ABCA13: variants seen among roughly 807,000 people sequenced by gnomAD.
The protein encoded by ABCA13 is ATP binding cassette subfamily A member 13.
A neutral mutation model predicts 478.7 loss-of-function variants in ABCA13; 476 were observed. The observed-to-expected ratio is 0.99, with a 90% CI of 0.92 to 1.07. ABCA13 has a LOEUF of 1.07. Ranked by LOEUF, ABCA13 falls within the 50% of genes least tolerant of loss-of-function variation. The pLI, the probability that ABCA13 is intolerant of heterozygous loss-of-function variation, is 0.00. For synonymous variants in ABCA13, 2,252 were observed against 2,158.9 expected (o/e 1.04, Z -1.20); for missense variants, 6,060 against 5,910.6 (o/e 1.03, Z -0.83).
chr7:48,219,697 A>AC (rs1787059624), intron 4 of ABCA13, among the ~76,000 whole-genome samples, 192 bp downstream of exon 4: 2 of 151,412 alleles, frequency 1.3e-5, no homozygotes, highest in African/African-American at 4.9e-5. Context: ...TCTCTCCTCA[A>AC]CCCCCTCGGA....
intron 38 of ABCA13, among the ~76,000 whole-genome samples, chr7:48,400,761 C>A (rs1415279825): frequency 6.6e-6 from 1 of 152,178 alleles, no homozygotes; most frequent in African/African-American, 2.4e-5. Context: ...TTTTGCTGAC[C>A]CTGGCCAATG....
intron 17 of ABCA13, 38 bp downstream of exon 17, chr7:48,276,603 C>T (rs771662688): frequency 7.9e-6 from 12 of 1,520,228 alleles, no homozygotes; most frequent in Middle Eastern, 1.8e-4. Context: ...TATGCAGTTG[C>T]GATATATCTC....
At chr7:48,422,228 A>G (rs1820869461) in intron 41 of ABCA13, among the ~76,000 whole-genome samples, 2 of 126,356 alleles carry the variant, frequency 1.6e-5, no homozygotes, top group African/African-American at 3.4e-5. Flanking sequence ...CTAAAGAACA[A>G]TACATTCAGT....
In ABCA13 at chr7:48,245,865, G is replaced by A. The variant is rs562438776; in HGVS notation, c.1494G>A (p.Met498Ile). 6.2e-7 allele frequency: 1 copy of A among 1,610,902 alleles called. No individual in the cohort carries two copies. The highest frequency in any genetic ancestry group is 1.3e-5 in the African/African-American group (1 of 74,880). Residue 498 changes from methionine (M) to isoleucine (I), a missense_variant and splice_region_variant, in exon 13 of 62, where the codon ATG (methionine) becomes ATA (isoleucine). By Grantham distance (10) the Met-to-Ile change is conservative. Around this residue, in one of 3 missense-constraint regions of ABCA13, gnomAD observed 4,423 missense variants for 4,309.1 expected, o/e 1.03. Coordinates refer to ENST00000435803, the MANE Select transcript of ABCA13 (RefSeq NM_152701.5). ...KDVFFWELKQ[M>I]LAKNAVCPNG... ...TCCCACTCTTATTAATCTTTTAGAT[G>A]TTGGCGAAGAATGCTGTCTGCCCGA... is the stretch of plus-strand genomic sequence containing the variant.
intron 1 of ABCA13, among the ~76,000 whole-genome samples, chr7:48,192,017 C>G (rs1797170322): frequency 6.6e-6 from 1 of 152,148 alleles, no homozygotes; most frequent in Non-Finnish European, 1.5e-5. Flanking sequence ...TATTCAATGG[C>G]TTGCCTACTT....
chr7:48,610,449 C>T (rs543262576), intron 58 of ABCA13, among the ~76,000 whole-genome samples: 5 of 152,216 alleles, frequency 3.3e-5, no homozygotes, highest in Non-Finnish European at 7.3e-5. Flanking sequence ...TGTGGCTTTT[C>T]CAGGAGCGCA....
chr7:48,342,768 A>G (rs886721918), intron 29 of ABCA13, among the ~76,000 whole-genome samples: 1 of 151,756 alleles, frequency 6.6e-6, no homozygotes, highest in African/African-American at 2.4e-5. Context: ...AATCCAACCT[A>G]TTTTCTCTTT....
rs773943822 is a variant in ABCA13, at chr7:48,483,065, ATTG to A, written c.13095-8_13095-6del. On this transcript the variant is annotated splice_polypyrimidine_tract_variant and splice_region_variant and intron_variant, in intron 46 of 61. Coordinates refer to ENST00000435803, the MANE Select transcript of ABCA13 (RefSeq NM_152701.5). Reference sequence around the variant, plus strand: ...TGGTTGAAGCACTAACACAATGTTCATTGTTAACAGGCTTGGAGGTTGGTCTTT... The same window carrying A: ...TGGTTGAAGCACTAACACAATGTTCATTAACAGGCTTGGAGGTTGGTCTTT... The A allele has an allele frequency of 6.2e-7, 1 of 1,605,656 alleles. No homozygotes were observed. Among genetic ancestry groups the A allele is most frequent in the Non-Finnish European group, 8.5e-7 (1 of 1,176,318 alleles).
At chr7:48,542,238 G>A (rs1833990916) in intron 55 of ABCA13, among the ~76,000 whole-genome samples, 1 of 151,642 alleles carries the variant, frequency 6.6e-6, no homozygotes, top group Admixed American at 6.6e-5. Flanking sequence ...TAATATATTT[G>A]GAGAATGAGT....
At position 48,516,730 on chromosome 7, in the gene ABCA13, C is replaced by T. The variant is rs769199655; in HGVS notation, c.13646C>T (p.Ala4549Val). Reference sequence around the variant, plus strand: ...CTTTTCACTTTACTTTTCAGATATGCAACTCTTCCATGGATGTACCTGATG... The same window carrying T: ...CTTTTCACTTTACTTTTCAGATATGTAACTCTTCCATGGATGTACCTGATG... ...TALLLSLFGY[A>V]TLPWMYLMSR... The change falls in exon 52 of 62, where the codon GCA becomes GTA. Residue 4549 changes from alanine to valine, a missense_variant. By Grantham distance (64) the Ala-to-Val change is moderately conservative. This residue lies in a region of ABCA13 where 1,627 missense variants were observed against 1,571.0 expected (regional missense o/e 1.04). Transcript: ENST00000435803. 2 of 1,613,180 alleles carry T rather than the reference C, an allele frequency of 1.2e-6. No individual in the cohort carries two copies. The highest frequency in any genetic ancestry group is 1.7e-6 in the Non-Finnish European group (2 of 1,179,490).
rs1795370732 is a variant in ABCA13 at position 48,645,305 on chromosome 7, G to A, written c.15082-112G>A. The A allele has an allele frequency of 9.8e-6, 7 of 717,796 alleles. No individual in the cohort carries two copies. The Admixed American group carries it at 1.6e-4, about 16-fold the overall frequency. 44.5% of individuals were successfully genotyped at this position (717,796 alleles called of 1,614,324 possible). On this transcript the variant is annotated intron_variant, in intron 61 of 61. Coordinates refer to ENST00000435803, the MANE Select transcript of ABCA13 (RefSeq NM_152701.5). ...AGGGAATGGTATGAATTAATGATCT[G>A]TGGTTTTTAGGGCAAGTTGGCCAGT... is the stretch of plus-strand genomic sequence containing the variant.
rs569016119 is a variant in ABCA13, at chr7:48,287,029, G to A, written c.8837-931G>A. ...GCCCGTGGCAGGTCTTGTGCAGATGGATTTATCGTGCGGTGGGAGGTGAGC... is the reference window on the plus strand; with the variant it reads ...GCCCGTGGCAGGTCTTGTGCAGATGAATTTATCGTGCGGTGGGAGGTGAGC... On this transcript the variant is annotated intron_variant, in intron 19 of 61. Transcript: ENST00000435803. Among the ~76,000 whole-genome samples the A allele has an allele frequency of 2.6e-5, 4 of 152,322 alleles. No individual in the cohort carries two copies. The South Asian group carries it at 8.3e-4, about 32-fold the overall frequency.
chr7:48,612,075 C>T (rs574098232), intron 58 of ABCA13: 15 of 152,300 alleles, frequency 9.8e-5, no homozygotes, highest in Admixed American at 8.5e-4. Context: ...GGCTGTGCAT[C>T]ATCAGGCCAA....
At chr7:48,573,827 G>A (rs1360470780) in intron 55 of ABCA13, among the ~76,000 whole-genome samples, 3 of 152,076 alleles carry the variant, frequency 2.0e-5, no homozygotes, top group South Asian at 4.1e-4. Context: ...CTTGAACTCC[G>A]AGATCAAGCT....
At chr7:48,175,272 T>C (rs1429294079) in intron 1 of ABCA13, among the ~76,000 whole-genome samples, 1 of 152,208 alleles carries the variant, frequency 6.6e-6, no homozygotes, top group African/African-American at 2.4e-5. Flanking sequence ...ATTGCACATA[T>C]TCATAGGGTA....
chr7:48,477,599 A>G (rs974914226), intron 45 of ABCA13, among the ~76,000 whole-genome samples: 12 of 152,052 alleles, frequency 7.9e-5, no homozygotes, highest in African/African-American at 2.9e-4. Flanking sequence ...AGGGACATGG[A>G]TGAAACTGGA....
rs1275293863 is a variant in ABCA13 at position 48,313,105 on chromosome 7, C to T, written c.9555C>T (p.Ser3185=). ...MPSEANGLLN[S]LLDIVSSLSA... ...CTGAAGCAAATGGCTTGCTCAACTCCTTGCTGGATATAGTTTCCAGCCTCA... is the reference window on the plus strand; with the variant it reads ...CTGAAGCAAATGGCTTGCTCAACTCTTTGCTGGATATAGTTTCCAGCCTCA... Residue 3185 remains serine (S), a synonymous_variant, in exon 25 of 62, where the codon TCC becomes TCT. Coordinates refer to ENST00000435803, the MANE Select transcript of ABCA13 (RefSeq NM_152701.5). 6.2e-7 allele frequency: 1 copy of T among 1,610,760 alleles called. No homozygotes were observed. Among genetic ancestry groups the T allele is most frequent in the Non-Finnish European group, 8.5e-7 (1 of 1,178,552 alleles).
intron 9 of ABCA13, 143 bp downstream of exon 9, chr7:48,239,548 C>A: frequency 2.1e-6 from 2 of 956,148 alleles, no homozygotes; most frequent in Non-Finnish European, 3.0e-6. Context: ...ACATCCTGGC[C>A]ATTGAGTGCA....
chr7:48,357,695 G>A (rs1025182708), intron 31 of ABCA13, among the ~76,000 whole-genome samples: 20 of 151,842 alleles, frequency 1.3e-4, no homozygotes, highest in Admixed American at 6.6e-4. Flanking sequence ...AAATTGAGAC[G>A]CTGATAGGGT....
Sources: allele counts gnomAD v4.1 joint callset (sites outside exome capture counted in the v4.1 genomes callset), GRCh38; gene constraint gnomAD v4.1.1; regional missense constraint gnomAD v4.1.1; transcripts MANE v1.5; gene names NCBI Gene and HGNC (gene_info 2026-07-23, HGNC 2026-07-21).